Variants in NRXN3 observed in about 807,000 individuals in gnomAD.
NRXN3 encodes neurexin 3, also known as neurexin III.
A neutral mutation model predicts 137.6 loss-of-function variants in NRXN3; 32 were observed. That is an observed-to-expected ratio of 0.23 (90% CI 0.18 to 0.31). The LOEUF is 0.31. NRXN3 is among the 10% of genes least tolerant of loss of function. The pLI, the probability that NRXN3 is intolerant of heterozygous loss-of-function variation, is 1.00. For synonymous variants in NRXN3, 798 were observed against 784.5 expected (o/e 1.02, Z -0.29); for missense variants, 1,574 against 2,062.5 (o/e 0.76, Z 4.59).
chr14:79,195,467 C>A (rs1046789244), intron 15 of NRXN3, among the ~76,000 whole-genome samples: 3 of 152,158 alleles, frequency 2.0e-5, no homozygotes, highest in African/African-American at 7.2e-5. Context: ...CTTTTACTCT[C>A]TACTTTCTCC....
intron 4 of NRXN3, among the ~76,000 whole-genome samples, chr14:78,451,320 C>A (rs1429981673): frequency 6.6e-6 from 1 of 152,176 alleles, no homozygotes; most frequent in Admixed American, 6.5e-5. Context: ...AACCAAACAA[C>A]TGGTATAAGG....
intron 15 of NRXN3, among the ~76,000 whole-genome samples, chr14:79,339,111 T>A (rs1427586253): frequency 1.3e-5 from 2 of 149,844 alleles, no homozygotes; most frequent in Non-Finnish European, 3.0e-5. Flanking sequence ...CAACAGCCTA[T>A]GATGAAGTGT....
At chr14:79,376,000 G>A (rs2094263450) in intron 15 of NRXN3, among the ~76,000 whole-genome samples, 1 of 148,428 alleles carries the variant, frequency 6.7e-6, no homozygotes, top group African/African-American at 2.5e-5. Context: ...AGAAAGTAAT[G>A]TATATAATAA....
intron 4 of NRXN3, among the ~76,000 whole-genome samples, chr14:78,574,065 C>T (rs978358497): frequency 5.9e-5 from 9 of 152,244 alleles, no homozygotes; most frequent in South Asian, 2.1e-4. Flanking sequence ...TCAGAGGGTA[C>T]AAGCCCCAAG....
In NRXN3 at chr14:79,356,595, T is replaced by C. The variant is rs367652019; in HGVS notation, c.3263-110626T>C. ...ACAAATTTACTAGCATCTCTTTTAC[T>C]ATGTGTCTTATGCATAAAGCAGTTT... On this transcript the variant is annotated intron_variant, in intron 15 of 20. Coordinates refer to ENST00000335750, the MANE Select transcript of NRXN3 (RefSeq NM_001330195.2). 7.2e-5 allele frequency among the ~76,000 whole-genome samples: 11 copies of C among 152,340 alleles called. No homozygotes were observed. The South Asian group carries it at 2.1e-3, about 29-fold the overall frequency.
chr14:79,577,636 T>C (rs2097677479), intron 16 of NRXN3, among the ~76,000 whole-genome samples: 1 of 152,234 alleles, frequency 6.6e-6, no homozygotes, highest in African/African-American at 2.4e-5. Flanking sequence ...TGCAAAACTT[T>C]CTGCCTCATT....
chr14:78,739,494 G>A (rs972086304), intron 8 of NRXN3, among the ~76,000 whole-genome samples: 4 of 152,140 alleles, frequency 2.6e-5, no homozygotes, highest in Non-Finnish European at 5.9e-5. Flanking sequence ...TATTTTTTGA[G>A]ACGGAGTTTC....
At chr14:79,739,199 G>C (rs2154078060) in intron 19 of NRXN3, among the ~76,000 whole-genome samples, 1 of 152,278 alleles carries the variant, frequency 6.6e-6, no homozygotes, top group East Asian at 1.9e-4. Context: ...CTGTGACAAA[G>C]AGACAGAATA....
chr14:79,348,074 C>T (rs1188405269), intron 15 of NRXN3, among the ~76,000 whole-genome samples: 1 of 152,066 alleles, frequency 6.6e-6, no homozygotes, highest in Non-Finnish European at 1.5e-5. Flanking sequence ...CTTCAAATGC[C>T]AGCATCCTGC....
chr14:79,234,318 A>AT (rs1568714327), intron 15 of NRXN3, among the ~76,000 whole-genome samples: 8 of 119,106 alleles, frequency 6.7e-5, no homozygotes, highest in African/African-American at 2.7e-4. Context: ...ATATATATAT[A>AT]TATATATATA....
At chr14:78,333,882 C>T (rs1422130473) in intron 4 of NRXN3, among the ~76,000 whole-genome samples, 1 of 152,134 alleles carries the variant, frequency 6.6e-6, no homozygotes, top group African/African-American at 2.4e-5. Flanking sequence ...TGGGAGGCTC[C>T]TGCCGTAATC....
chr14:78,822,774 A>G (rs1489265246), intron 10 of NRXN3, among the ~76,000 whole-genome samples: 1 of 152,012 alleles, frequency 6.6e-6, no homozygotes, highest in African/African-American at 2.4e-5. Flanking sequence ...GCCTAGCTTC[A>G]GATTCAGTCT....
Position 78,853,928 on chromosome 14 carries a change from C to T in NRXN3, c.2275+43584C>T, listed in dbSNP as rs1281768132. On this transcript the variant is annotated intron_variant, in intron 10 of 20. Transcript: ENST00000335750. ...AAAGAGTGCATTTGTATTCTTAAAG[C>T]ATTACAGCAGAGCTAAAGCCTAAGA... is the stretch of plus-strand genomic sequence containing the variant. Among the ~76,000 whole-genome samples the T allele has an allele frequency of 6.6e-5, 10 of 152,260 alleles. No individual in the cohort carries two copies. The East Asian group carries it at 1.2e-3, about 18-fold the overall frequency.
intron 19 of NRXN3, among the ~76,000 whole-genome samples, chr14:79,782,883 G>A (rs1042717885): frequency 6.6e-6 from 1 of 152,090 alleles, no homozygotes; most frequent in African/African-American, 2.4e-5. Flanking sequence ...TTGACCCAGA[G>A]ATACGAATTT....
At chr14:79,677,232 A>G (rs2154006776) in intron 17 of NRXN3, among the ~76,000 whole-genome samples, 1 of 152,162 alleles carries the variant, frequency 6.6e-6, no homozygotes, top group African/African-American at 2.4e-5. Context: ...TGCCAAGTAT[A>G]ATTAAACAAA....
intron 10 of NRXN3, among the ~76,000 whole-genome samples, chr14:78,921,776 A>G (rs553705379): frequency 3.7e-4 from 56 of 152,322 alleles, no homozygotes; most frequent in South Asian, 3.5e-3. Context: ...TCCTAGACAA[A>G]CATATAAATC....
chr14:78,585,324 G>A (rs1455392031), intron 4 of NRXN3, among the ~76,000 whole-genome samples: 3 of 152,152 alleles, frequency 2.0e-5, no homozygotes, highest in Non-Finnish European at 4.4e-5. Context: ...ACAGGAAGGG[G>A]CCTGTGTGGC....
At chr14:79,381,818 C>T (rs1353712763) in intron 15 of NRXN3, among the ~76,000 whole-genome samples, 4 of 152,084 alleles carry the variant, frequency 2.6e-5, no homozygotes, top group Non-Finnish European at 5.9e-5. Context: ...AGGCATCAGG[C>T]AGAAAACCAG....
At chr14:78,688,579 A>C (rs1247460962) in intron 6 of NRXN3, among the ~76,000 whole-genome samples, 2 of 152,186 alleles carry the variant, frequency 1.3e-5, no homozygotes, top group African/African-American at 4.8e-5. Context: ...TGCTGTAATC[A>C]TAGCAGTAAA....
Sources: gnomAD v4.1 joint callset for allele counts (sites outside exome capture counted in the v4.1 genomes callset) on GRCh38, gnomAD v4.1.1 for gene constraint, MANE v1.5 for transcripts, NCBI Gene and HGNC (gene_info 2026-07-23, HGNC 2026-07-21) for gene names.